The following VPS13B variants were observed in gnomAD, a reference collection of about 807,000 sequenced individuals.
The protein encoded by VPS13B is vacuolar protein sorting 13 homolog B.
In VPS13B, 285 loss-of-function variants were observed where a neutral mutation model predicts 426.4. The observed-to-expected ratio is 0.67, with a 90% confidence interval of 0.61 to 0.74. The LOEUF is 0.74. VPS13B is among the 30% of genes least tolerant of loss of function. The pLI is 0.00. For synonymous variants in VPS13B, 1,676 were observed against 1,676.4 expected, an observed-to-expected ratio of 1.00 and a Z score of 0.01; for missense variants, 4,537 against 4,782.6, an observed-to-expected ratio of 0.95 and a Z score of 1.51.
At chr8:99,055,044 GT>G (rs397779213) in intron 3 of VPS13B, among the ~76,000 whole-genome samples, 6 of 141,904 alleles carry the variant, frequency 4.2e-5, no homozygotes, top group East Asian at 2.0e-4. Context: ...TTTTTTTTTT[GT>G]TTTTTTTTTT....
rs981691506 is a variant in VPS13B, at chr8:99,509,564, G to A, written c.4225-1540G>A. On this transcript the variant is annotated intron_variant, in intron 28 of 61. Coordinates refer to ENST00000357162, the MANE Select transcript of VPS13B (RefSeq NM_152564.5). ...TGGGTGATAGGCAACAAAATGAGAG[G>A]AAGAAAATGGAAGCAATTGAAATGT... Among the ~76,000 whole-genome samples, 10 of 152,218 alleles carry A rather than the reference G, an allele frequency of 6.6e-5. No homozygotes were observed. The East Asian group carries it at 1.9e-3, about 29-fold the overall frequency.
intron 21 of VPS13B, among the ~76,000 whole-genome samples, chr8:99,423,851 A>T (rs921721793): frequency 1.3e-5 from 2 of 152,140 alleles, no homozygotes; most frequent in African/African-American, 4.8e-5. Flanking sequence ...GTTTTGGAAT[A>T]GGTGTGGTGT....
At chr8:99,120,567 T>C (rs1302896984) in intron 7 of VPS13B, 1 of 152,196 alleles carries the variant, frequency 6.6e-6, no homozygotes, top group African/African-American at 2.4e-5. Context: ...ACAGGAAAGG[T>C]ATAACATATC....
chr8:99,366,128 A>G (rs1166338239), intron 19 of VPS13B, among the ~76,000 whole-genome samples: 1 of 152,128 alleles, frequency 6.6e-6, no homozygotes, highest in African/African-American at 2.4e-5. Flanking sequence ...TACAGTGCAG[A>G]TTAAATCTGA....
intron 3 of VPS13B, among the ~76,000 whole-genome samples, chr8:99,076,039 A>G (rs1845103213): frequency 6.6e-6 from 1 of 151,870 alleles, no homozygotes; most frequent in Non-Finnish European, 1.5e-5. Context: ...CTTGTATCTC[A>G]TGAGTTTTCG....
At chr8:99,548,029 C>CT (rs1406675498) in intron 30 of VPS13B, among the ~76,000 whole-genome samples, 7 of 152,008 alleles carry the variant, frequency 4.6e-5, no homozygotes, top group South Asian at 2.1e-4. Flanking sequence ...CAATATAACG[C>CT]TTTTTTATTA....
intron 17 of VPS13B, among the ~76,000 whole-genome samples, chr8:99,245,049 G>T (rs1293270344): frequency 6.6e-6 from 1 of 152,200 alleles, no homozygotes; most frequent in Non-Finnish European, 1.5e-5. Flanking sequence ...TGGCTCTCTT[G>T]TGCTTTCTCT....
At chr8:99,343,826 A>T (rs1393564459) in intron 19 of VPS13B, among the ~76,000 whole-genome samples, 2 of 152,240 alleles carry the variant, frequency 1.3e-5, no homozygotes, top group African/African-American at 4.8e-5. Flanking sequence ...GGAAGAAAAC[A>T]TAGGTTAATA....
At chr8:99,597,528 A>C (rs963009127) in intron 33 of VPS13B, among the ~76,000 whole-genome samples, 2 of 152,002 alleles carry the variant, frequency 1.3e-5, no homozygotes, top group Admixed American at 1.3e-4. Flanking sequence ...CTGGTCAATG[A>C]GGTGTAAAGA....
chr8:99,696,965 C>A (rs915599038), intron 35 of VPS13B: 25 of 646,136 alleles, frequency 3.9e-5, no homozygotes, highest in African/African-American at 3.4e-4. Flanking sequence ...ACAACCTGAA[C>A]GTCAAGGGGC....
At chr8:99,332,930 T>C (rs1810623980) in intron 19 of VPS13B, among the ~76,000 whole-genome samples, 1 of 151,700 alleles carries the variant, frequency 6.6e-6, no homozygotes. Context: ...TTTTTCTTAA[T>C]GATGAAATAG....
At chr8:99,683,879 G>T (rs1160254871) in intron 35 of VPS13B, among the ~76,000 whole-genome samples, 1 of 152,090 alleles carries the variant, frequency 6.6e-6, no homozygotes, top group African/African-American at 2.4e-5. Context: ...ATACTATGTT[G>T]AGTATGAATA....
intron 34 of VPS13B, among the ~76,000 whole-genome samples, chr8:99,645,957 G>GA (rs1212020840): frequency 6.6e-6 from 1 of 152,110 alleles, no homozygotes. Context: ...AGAAAAAAGA[G>GA]AAAAATATAA....
chr8:99,728,451 T>C (rs1410815900), intron 39 of VPS13B, among the ~76,000 whole-genome samples: 4 of 152,226 alleles, frequency 2.6e-5, no homozygotes, highest in Non-Finnish European at 4.4e-5. Flanking sequence ...CAATCAATTA[T>C]TATGACACAT....
rs562406276 is a variant in VPS13B, at chr8:99,406,701, T to C, written c.3082+14997T>C. On this transcript the variant is annotated intron_variant, in intron 21 of 61. Transcript: ENST00000357162. ...GTGTTCTCCACTCTGTGCTAGTGGG[T>C]TGGGGAATTGCAGGTAATGTATGAC... Among the ~76,000 whole-genome samples, 138 of 152,244 alleles carry C rather than the reference T, an allele frequency of 9.1e-4. 2 individuals carry two copies. The South Asian group carries it at 0.012, about 13-fold the overall frequency.
At chr8:99,782,913 C>T (rs916082463) in intron 42 of VPS13B, among the ~76,000 whole-genome samples, 3 of 151,944 alleles carry the variant, frequency 2.0e-5, no homozygotes, top group Non-Finnish European at 2.9e-5. Context: ...ACTCTTTTGG[C>T]GATTAGTGTG....
chr8:99,218,042 C>A (rs965818331), intron 17 of VPS13B, among the ~76,000 whole-genome samples: 2 of 152,098 alleles, frequency 1.3e-5, no homozygotes, highest in Non-Finnish European at 2.9e-5. Context: ...TAAAGGTATG[C>A]CAGTTAGACT....
intron 17 of VPS13B, among the ~76,000 whole-genome samples, chr8:99,270,430 C>T (rs11995289): frequency 0.056 from 8,557 of 151,660 alleles, 277 homozygotes; most frequent in African/African-American, 0.089. Context: ...TGAGCCACCG[C>T]GCCTGGCCAA....
chr8:99,280,531 GAATA>G (rs1052553940), intron 19 of VPS13B, among the ~76,000 whole-genome samples: 8 of 152,166 alleles, frequency 5.3e-5, no homozygotes, highest in Admixed American at 1.3e-4. Context: ...TTGAATGAAT[GAATA>G]AATGAATGAA....
Sources: gnomAD v4.1 joint callset for allele counts (sites outside exome capture counted in the v4.1 genomes callset) on GRCh38, gnomAD v4.1.1 for gene constraint, MANE v1.5 for transcripts, NCBI Gene and HGNC (gene_info 2026-07-23, HGNC 2026-07-21) for gene names.